Variants in TRAPPC9 observed in about 807,000 individuals in gnomAD.
TRAPPC9 encodes the protein IKK2 binding protein.
TRAPPC9 carries 83 observed loss-of-function variants against 124.0 expected under a neutral mutation model. That is an observed-to-expected ratio of 0.67 (90% confidence interval 0.56 to 0.80). TRAPPC9 has a LOEUF of 0.80. Ranked by LOEUF, TRAPPC9 falls within the 30% of genes least tolerant of loss-of-function variation. The pLI is 0.00. For synonymous variants in TRAPPC9, 638 were observed against 617.5 expected (o/e 1.03, Z -0.49); for missense variants, 1,302 against 1,508.3 (o/e 0.86, Z 2.27).
chr8:140,378,430 A>G (rs2068510714), intron 7 of TRAPPC9, among the ~76,000 whole-genome samples: 1 of 152,166 alleles, frequency 6.6e-6, no homozygotes, highest in African/African-American at 2.4e-5. Flanking sequence ...TCTTTCTCCC[A>G]TGCTAGATGC....
intron 21 of TRAPPC9, among the ~76,000 whole-genome samples, chr8:139,768,822 A>G (rs139181411): frequency 6.4e-4 from 97 of 152,314 alleles, no homozygotes; most frequent in Admixed American, 2.2e-3. Flanking sequence ...CCAGTACAAT[A>G]CCTCGGGGGG....
intron 21 of TRAPPC9, among the ~76,000 whole-genome samples, chr8:139,740,431 C>T (rs1818476179): frequency 6.6e-6 from 1 of 152,208 alleles, no homozygotes; most frequent in South Asian, 2.1e-4. Context: ...CAGGGGGCCA[C>T]CGTGGGGCTG....
chr8:139,910,342 G>C, intron 19 of TRAPPC9, 42 bp from the exon 20 acceptor site: 1 of 1,608,312 alleles, frequency 6.2e-7, no homozygotes, highest in Non-Finnish European at 8.5e-7. Context: ...TCATCAGTAG[G>C]GCAATTTCTG....
intron 21 of TRAPPC9, among the ~76,000 whole-genome samples, chr8:139,866,869 C>T (rs1828577684): frequency 6.6e-6 from 1 of 152,072 alleles, no homozygotes; most frequent in African/African-American, 2.4e-5. Flanking sequence ...TGAATGACAC[C>T]CCACCCTGCC....
At chr8:140,053,045 G>C (rs1045652491) in intron 17 of TRAPPC9, among the ~76,000 whole-genome samples, 4 of 152,166 alleles carry the variant, frequency 2.6e-5, no homozygotes, top group Non-Finnish European at 5.9e-5. Context: ...GGAGGAAAAA[G>C]AGACATCTCT....
chr8:140,226,770 T>G (rs2063463654), intron 16 of TRAPPC9, among the ~76,000 whole-genome samples: 1 of 151,974 alleles, frequency 6.6e-6, no homozygotes, highest in Non-Finnish European at 1.5e-5. Context: ...CTCAATGAGA[T>G]TTGATGTAAA....
intron 15 of TRAPPC9, among the ~76,000 whole-genome samples, chr8:140,271,064 T>C (rs1250711340): frequency 6.6e-6 from 1 of 152,256 alleles, no homozygotes. Context: ...GGAGGGCAAG[T>C]TAAATTACAG....
intron 17 of TRAPPC9, among the ~76,000 whole-genome samples, chr8:140,090,608 C>T (rs569196843): frequency 2.2e-4 from 33 of 152,374 alleles, no homozygotes; most frequent in African/African-American, 6.0e-4. Context: ...ACGCCAGCTG[C>T]GTAGAGGTCC....
intron 17 of TRAPPC9, among the ~76,000 whole-genome samples, chr8:140,134,602 G>A (rs1307054246): frequency 6.6e-6 from 1 of 152,064 alleles, no homozygotes; most frequent in Non-Finnish European, 1.5e-5. Context: ...GGAAATAATA[G>A]TCTCTTCACC....
At chr8:139,860,950 G>T (rs540811218) in intron 21 of TRAPPC9, among the ~76,000 whole-genome samples, 2 of 152,384 alleles carry the variant, frequency 1.3e-5, no homozygotes, top group South Asian at 4.1e-4. Flanking sequence ...GAGAGCCTGG[G>T]AGCTGTGGCT....
At chr8:140,140,403 T>G (rs1463283074) in intron 17 of TRAPPC9, among the ~76,000 whole-genome samples, 1 of 152,178 alleles carries the variant, frequency 6.6e-6, no homozygotes, top group Non-Finnish European at 1.5e-5. Flanking sequence ...ACTGGTGTTG[T>G]GTGGTGGTGG....
intron 17 of TRAPPC9, among the ~76,000 whole-genome samples, chr8:140,089,486 G>GGCCCC (rs1243382948): frequency 6.6e-6 from 1 of 152,158 alleles, no homozygotes; most frequent in Non-Finnish European, 1.5e-5. Flanking sequence ...GACTTTAAAT[G>GGCCCC]GCCCCATACA....
chr8:140,246,249 G>C (rs1213441969), intron 16 of TRAPPC9, among the ~76,000 whole-genome samples: 1 of 152,160 alleles, frequency 6.6e-6, no homozygotes, highest in Non-Finnish European at 1.5e-5. Flanking sequence ...CTCCTTTGCT[G>C]CAAGTTTGAC....
intron 9 of TRAPPC9, among the ~76,000 whole-genome samples, chr8:140,335,215 G>T (rs947282304): frequency 6.6e-6 from 1 of 152,096 alleles, no homozygotes; most frequent in Non-Finnish European, 1.5e-5. Flanking sequence ...AACTCCGGCC[G>T]CAATGTGACG....
chr8:140,280,180 C>T (rs6578091), intron 14 of TRAPPC9, among the ~76,000 whole-genome samples: 48,667 of 152,102 alleles, frequency 0.32, 8,454 homozygotes, highest in African/African-American at 0.43. Flanking sequence ...ATTTCAGCAG[C>T]CAAAGCCAGA....
intron 17 of TRAPPC9, among the ~76,000 whole-genome samples, chr8:140,152,353 A>ATTT (rs1563800576): frequency 1.5e-5 from 2 of 129,360 alleles, no homozygotes; most frequent in African/African-American, 6.1e-5. Flanking sequence ...TAATATTGCC[A>ATTT]TCTTTTTTTT....
chr8:140,382,466 T>C (rs2068636195), intron 7 of TRAPPC9, among the ~76,000 whole-genome samples: 1 of 152,186 alleles, frequency 6.6e-6, no homozygotes, highest in Admixed American at 6.5e-5. Context: ...CCAATGGTCT[T>C]AGCAAACGGC....
chr8:140,226,043 C>T (rs2063442774), intron 16 of TRAPPC9, among the ~76,000 whole-genome samples: 1 of 152,164 alleles, frequency 6.6e-6, no homozygotes. Context: ...GCAGAGTGAA[C>T]ATCTGGCTTT....
At chr8:140,448,510 C>T (rs1166884297) in intron 2 of TRAPPC9, among the ~76,000 whole-genome samples, 1 of 152,244 alleles carries the variant, frequency 6.6e-6, no homozygotes, top group Non-Finnish European at 1.5e-5. Context: ...GGATCTGCAA[C>T]CTCACAGCCA....
Sources: gnomAD v4.1 joint callset for allele counts (sites outside exome capture counted in the v4.1 genomes callset) on GRCh38, gnomAD v4.1.1 for gene constraint, MANE v1.5 for transcripts, NCBI Gene and HGNC (gene_info 2026-07-23, HGNC 2026-07-21) for gene names.